ROBO2: variants seen among roughly 807,000 people sequenced by gnomAD.
ROBO2 encodes roundabout homolog 2.
A neutral mutation model predicts 160.8 loss-of-function variants in ROBO2; 53 were observed. The ratio of observed to expected loss-of-function variants is 0.33; its 90% CI spans 0.26 to 0.41. The LOEUF is 0.41. Among genes scored for constraint, ROBO2 ranks in the 10% least tolerant of loss-of-function variants. The pLI, the probability that ROBO2 is intolerant of heterozygous loss-of-function variation, is 1.00. For missense variants in ROBO2, 1,577 were observed against 1,722.4 expected (o/e 0.92, Z 1.49); for synonymous variants, 664 against 611.7 (o/e 1.09, Z -1.26).
rs559036310 is a variant in ROBO2, at chr3:77,064,351, C to G, written c.61+23505C>G. ...TACAAATATTTAAATAAAATTAATA[C>G]TTGGATGTATCTTTTTTTTTTTTTT... On this transcript the variant is annotated intron_variant, in intron 1 of 25. Coordinates refer to ENST00000461745, the Ensembl canonical transcript of ROBO2. Among the ~76,000 whole-genome samples, 4 of 138,238 alleles carry G rather than the reference C, an allele frequency of 2.9e-5. No homozygotes were observed. In the South Asian group the frequency reaches 9.3e-4, roughly 32 times the overall value. 90.7% of individuals were successfully genotyped at this position (138,238 alleles called of 152,430 possible).
At chr3:76,549,062 T>A (rs2083271306) in intron 2 of ROBO2, among the ~76,000 whole-genome samples, 1 of 152,210 alleles carries the variant, frequency 6.6e-6, no homozygotes, top group African/African-American at 2.4e-5. Context: ...AGTTTTAAGA[T>A]GTTTATGATA....
intron 2 of ROBO2, among the ~76,000 whole-genome samples, chr3:76,654,948 GT>G (rs2091435864): frequency 8.0e-6 from 1 of 125,104 alleles, no homozygotes; most frequent in Non-Finnish European, 1.8e-5. Flanking sequence ...TAAATTTAAA[GT>G]TCAAATTTGA....
chr3:77,010,315 T>C (rs2061806606), intron 2 of ROBO2, among the ~76,000 whole-genome samples: 1 of 152,196 alleles, frequency 6.6e-6, no homozygotes, highest in Non-Finnish European at 1.5e-5. Flanking sequence ...CCTGGACTGT[T>C]ACAATAGTTT....
At chr3:77,066,533 A>G (rs866974637) in intron 1 of ROBO2, among the ~76,000 whole-genome samples, 2 of 152,158 alleles carry the variant, frequency 1.3e-5, no homozygotes, top group African/African-American at 4.8e-5. Context: ...CTCTATGTGA[A>G]AAAAGTATTT....
At chr3:76,860,284 T>C (rs116934881) in intron 2 of ROBO2, among the ~76,000 whole-genome samples, 2 of 152,270 alleles carry the variant, frequency 1.3e-5, no homozygotes, top group East Asian at 3.9e-4. Context: ...GCATATTCTT[T>C]CCTCAATGGC....
At chr3:76,195,083 A>G (rs1702199228) in intron 2 of ROBO2, among the ~76,000 whole-genome samples, 1 of 152,184 alleles carries the variant, frequency 6.6e-6, no homozygotes, top group Admixed American at 6.6e-5. Context: ...ACTTGTCTTA[A>G]TCTCATTGAA....
At chr3:76,609,804 GAAGAA>G (rs1578511178) in intron 2 of ROBO2, among the ~76,000 whole-genome samples, 1 of 152,268 alleles carries the variant, frequency 6.6e-6, no homozygotes, top group East Asian at 1.9e-4. Flanking sequence ...TCCAGATCTT[GAAGAA>G]AAGTTTTAAT....
chr3:76,255,310 A>G (rs1183598931), intron 2 of ROBO2, among the ~76,000 whole-genome samples: 2 of 152,174 alleles, frequency 1.3e-5, no homozygotes, highest in Non-Finnish European at 2.9e-5. Flanking sequence ...TATCTGGAAG[A>G]TAATGAAAAT....
intron 2 of ROBO2, among the ~76,000 whole-genome samples, chr3:76,382,497 G>A: frequency 6.6e-6 from 1 of 152,222 alleles, no homozygotes; most frequent in East Asian, 1.9e-4. Context: ...TGAGGCAGGA[G>A]AATGGCGTGA....
intron 2 of ROBO2, among the ~76,000 whole-genome samples, chr3:77,121,824 G>C (rs1455993780): frequency 6.6e-6 from 1 of 151,968 alleles, no homozygotes; most frequent in Non-Finnish European, 1.5e-5. Context: ...GTAAAATTCA[G>C]TTTTCATCCA....
chr3:76,393,299 A>G (rs1368130504), intron 2 of ROBO2, among the ~76,000 whole-genome samples: 1 of 152,186 alleles, frequency 6.6e-6, no homozygotes, highest in African/African-American at 2.4e-5. Context: ...TCATTGAACT[A>G]TGGAAGTATC....
At chr3:75,977,706 T>A (rs1004954037) in intron 2 of ROBO2, among the ~76,000 whole-genome samples, 3 of 151,468 alleles carry the variant, frequency 2.0e-5, no homozygotes, top group African/African-American at 7.3e-5. Flanking sequence ...TATTGATACA[T>A]ACACATCAGC....
chr3:76,009,792 G>C (rs1274208770), intron 2 of ROBO2, among the ~76,000 whole-genome samples: 1 of 152,152 alleles, frequency 6.6e-6, no homozygotes, highest in Non-Finnish European at 1.5e-5. Flanking sequence ...TTTCCTTAAA[G>C]GTTGGCATGT....
At chr3:77,305,138 G>T (rs1230366388) in intron 2 of ROBO2, among the ~76,000 whole-genome samples, 6 of 152,176 alleles carry the variant, frequency 3.9e-5, no homozygotes, top group Non-Finnish European at 8.8e-5. Flanking sequence ...AAAAGCAGAA[G>T]ACGATTTTTC....
chr3:77,557,865 C>A (rs183434205), intron 8 of ROBO2, 79 bp from the exon 10 acceptor site: 2 of 1,121,772 alleles, frequency 1.8e-6, no homozygotes, highest in East Asian at 2.4e-5. Context: ...GGGGCTTTAA[C>A]CTTACTTTCA....
chr3:76,106,332 T>C (rs749293271), intron 2 of ROBO2, among the ~76,000 whole-genome samples: 7 of 152,186 alleles, frequency 4.6e-5, no homozygotes, highest in Non-Finnish European at 7.4e-5. Context: ...TGATATTATA[T>C]ATTTGAACAT....
rs75488899 is a variant in ROBO2 at position 76,860,134 on chromosome 3, G to A, written c.110-237880G>A. Among the ~76,000 whole-genome samples, 752 of 152,284 alleles carry A rather than the reference G, an allele frequency of 4.9e-3. 10 individuals are homozygous for A. Among genetic ancestry groups the A allele is most frequent in the African/African-American group, 0.017 (715 of 41,546 alleles). On this transcript the variant is annotated intron_variant, in intron 2 of 26. Coordinates refer to the ROBO2 transcript ENST00000487694. The stretch of plus-strand genomic sequence containing the variant: ...ATTATCCTCATTTTGCAAGGGAAGT[G>A]ATGAGAGTGGCCAAGTGATTTACCC...
intron 2 of ROBO2, among the ~76,000 whole-genome samples, chr3:76,445,403 T>C (rs2077128092): frequency 6.6e-6 from 1 of 152,252 alleles, no homozygotes; most frequent in East Asian, 1.9e-4. Context: ...CTGAGACACT[T>C]AGTAATATTT....
chr3:76,331,523 C>T (rs2073480942), intron 2 of ROBO2, among the ~76,000 whole-genome samples: 1 of 151,866 alleles, frequency 6.6e-6, no homozygotes, highest in African/African-American at 2.4e-5. Flanking sequence ...CTTTATGCCT[C>T]TAGATTCCTC....
Sources: gnomAD v4.1 joint callset for allele counts (sites outside exome capture counted in the v4.1 genomes callset) on GRCh38, gnomAD v4.1.1 for gene constraint, MANE v1.5 for transcripts, NCBI Gene and HGNC (gene_info 2026-07-23, HGNC 2026-07-21) for gene names.